ALK: variants seen among roughly 807,000 people sequenced by gnomAD.
ALK encodes the protein ALK tyrosine kinase receptor.
In ALK, 74 loss-of-function variants were observed where a neutral mutation model predicts 163.1. The observed-to-expected ratio is 0.45, with a 90% confidence interval of 0.38 to 0.55. The LOEUF (loss-of-function observed/expected upper bound fraction) is 0.55. ALK is among the 20% of genes least tolerant of loss of function. ALK has a pLI of 0.00. For synonymous variants in ALK, 960 were observed against 843.2 expected (o/e 1.14, Z -2.40); for missense variants, 2,063 against 2,105.3 (o/e 0.98, Z 0.39).
chr2:29,894,722 T>A (rs1168496921), intron 1 of ALK, among the ~76,000 whole-genome samples: 1 of 152,156 alleles, frequency 6.6e-6, no homozygotes, highest in Non-Finnish European at 1.5e-5. Context: ...CTAAAGCACC[T>A]TTTTGAATGC....
At position 29,590,793 on chromosome 2, in the gene ALK, C is replaced by T. The variant is rs1306880720; in HGVS notation, c.953-58677G>A. ...TCCCTGCAAAAATCCCACTGCAGGC[C>T]GGGCGCGGTGGCTCACGCCTGTAAT... On this transcript the variant is annotated intron_variant, in intron 3 of 28. Transcript: ENST00000389048. 4.6e-5 allele frequency among the ~76,000 whole-genome samples: 7 copies of T among 151,828 alleles called. No individual in the cohort carries two copies. The South Asian group carries it at 6.2e-4, about 14-fold the overall frequency.
chr2:29,275,334 G>A (rs1665507112), intron 10 of ALK, 68 bp downstream of exon 10: 1 of 1,608,480 alleles, frequency 6.2e-7, no homozygotes, highest in East Asian at 2.2e-5. Context: ...CTTAGGCTGA[G>A]GAGGGGACAA....
chr2:29,792,787 A>G (rs1483148051), intron 1 of ALK, among the ~76,000 whole-genome samples: 1 of 14,478 alleles, frequency 6.9e-5, no homozygotes, highest in Non-Finnish European at 2.0e-4. Context: ...ATGCAATAGC[A>G]TAATCTCTAA....
chr2:29,844,956 C>T (rs1665803303), intron 1 of ALK, among the ~76,000 whole-genome samples: 2 of 151,632 alleles, frequency 1.3e-5, no homozygotes, highest in Non-Finnish European at 1.5e-5. Flanking sequence ...CTGTGGACCT[C>T]AACTCTTTGA....
At chr2:29,367,111 T>C (rs976801978) in intron 5 of ALK, among the ~76,000 whole-genome samples, 1 of 152,180 alleles carries the variant, frequency 6.6e-6, no homozygotes, top group African/African-American at 2.4e-5. Context: ...TTTAATAATT[T>C]ATCTGGATGC....
intron 5 of ALK, among the ~76,000 whole-genome samples, chr2:29,348,187 C>T (rs775212784): frequency 6.6e-6 from 1 of 152,096 alleles, no homozygotes; most frequent in Non-Finnish European, 1.5e-5. Flanking sequence ...TCTGCCCCTA[C>T]CCTAGTGAGC....
chr2:29,356,205 C>T (rs1406424712), intron 5 of ALK, among the ~76,000 whole-genome samples: 2 of 152,110 alleles, frequency 1.3e-5, no homozygotes, highest in African/African-American at 4.8e-5. Context: ...TTCCTGAGGA[C>T]TATATATGTG....
At chr2:29,366,028 G>C (rs1668497529) in intron 5 of ALK, among the ~76,000 whole-genome samples, 1 of 152,080 alleles carries the variant, frequency 6.6e-6, no homozygotes, top group African/African-American at 2.4e-5. Flanking sequence ...CACTACTTTG[G>C]GTTGGGGAGG....
chr2:29,823,789 T>C (rs1166510604), intron 1 of ALK, among the ~76,000 whole-genome samples: 2 of 152,162 alleles, frequency 1.3e-5, no homozygotes, highest in Admixed American at 1.3e-4. Flanking sequence ...TTCAGAAAAT[T>C]TGCAGCCTGA....
intron 3 of ALK, among the ~76,000 whole-genome samples, chr2:29,577,244 G>T (rs1415365983): frequency 6.6e-6 from 1 of 152,086 alleles, no homozygotes; most frequent in Non-Finnish European, 1.5e-5. Flanking sequence ...TCTTTGGCCT[G>T]CCCTTCACTC....
intron 12 of ALK, among the ~76,000 whole-genome samples, chr2:29,247,262 C>T (rs6758696): frequency 0.13 from 19,106 of 152,236 alleles, 1,742 homozygotes; most frequent in African/African-American, 0.26. Flanking sequence ...ACCACCACCA[C>T]TGGCAGCAGG....
intron 3 of ALK, among the ~76,000 whole-genome samples, chr2:29,659,529 C>G (rs1484755448): frequency 6.6e-6 from 1 of 152,152 alleles, no homozygotes; most frequent in Non-Finnish European, 1.5e-5. Flanking sequence ...AAGCGTAGGG[C>G]ATTCTAAGCA....
chr2:29,711,791 C>T lies in ALK; in HGVS notation c.787+5787G>A, dbSNP rs371281474. Reference sequence around the variant, plus strand: ...CCCCTACTTTTGTGTCTTTCTCTCTCTTTCCCTGTGTGTCTCTCTCTGTCT... The same window carrying T: ...CCCCTACTTTTGTGTCTTTCTCTCTTTTTCCCTGTGTGTCTCTCTCTGTCT... On this transcript the variant is annotated intron_variant, in intron 2 of 28. Coordinates refer to ENST00000389048, the MANE Select transcript of ALK (RefSeq NM_004304.5). Among the ~76,000 whole-genome samples the T allele has an allele frequency of 8.1e-3, 1,233 of 152,326 alleles. 15 individuals are homozygous for T. Among genetic ancestry groups the T allele is most frequent in the South Asian group, 0.044 (214 of 4,828 alleles).
chr2:29,709,476 C>A (rs776865968), intron 2 of ALK, among the ~76,000 whole-genome samples: 5 of 152,090 alleles, frequency 3.3e-5, no homozygotes, highest in Non-Finnish European at 7.3e-5. Flanking sequence ...AATGAGTACA[C>A]AACATGAGAG....
At chr2:29,450,618 G>A (rs1297030944) in intron 4 of ALK, among the ~76,000 whole-genome samples, 1 of 152,196 alleles carries the variant, frequency 6.6e-6, no homozygotes, top group East Asian at 1.9e-4. Flanking sequence ...CCTATTTTAA[G>A]TGGATAAAAT....
chr2:29,846,206 G>GCTGGTTCTAGGAT (rs1007223177), intron 1 of ALK, among the ~76,000 whole-genome samples: 2 of 152,092 alleles, frequency 1.3e-5, no homozygotes, highest in Non-Finnish European at 2.9e-5. Flanking sequence ...AACACACCAC[G>GCTGGTTCTAGGAT]CTGGTTCTAG....
chr2:29,891,033 G>A (rs974468195), intron 1 of ALK: 4 of 152,148 alleles, frequency 2.6e-5, no homozygotes, highest in Non-Finnish European at 5.9e-5. Context: ...ATAAAAATGG[G>A]GATAGTAATA....
intron 4 of ALK, among the ~76,000 whole-genome samples, chr2:29,501,156 G>A (rs1163138837): frequency 6.6e-6 from 1 of 152,138 alleles, no homozygotes; most frequent in Non-Finnish European, 1.5e-5. Flanking sequence ...GATCCTTCTA[G>A]AACATCTCTT....
At chr2:29,663,446 T>C (rs1573537091) in intron 3 of ALK, among the ~76,000 whole-genome samples, 1 of 152,240 alleles carries the variant, frequency 6.6e-6, no homozygotes, top group East Asian at 1.9e-4. Flanking sequence ...CCCATCGTCC[T>C]CCTTCTCTCT....
Sources: allele counts gnomAD v4.1 joint callset (sites outside exome capture counted in the v4.1 genomes callset), GRCh38; gene constraint gnomAD v4.1.1; transcripts MANE v1.5; gene names NCBI Gene and HGNC (gene_info 2026-07-23, HGNC 2026-07-21).